Variants in WDHD1 observed in about 807,000 individuals in gnomAD.
WDHD1 encodes the protein WD repeat and HMG-box DNA binding protein 1.
A neutral mutation model predicts 135.4 loss-of-function variants in WDHD1; 111 were observed. That is an observed-to-expected ratio of 0.82 (90% CI 0.70 to 0.96). WDHD1 has a LOEUF of 0.96. WDHD1 is among the 40% of genes least tolerant of loss of function. WDHD1 has a pLI of 0.00. For synonymous variants in WDHD1, 434 were observed against 439.0 expected (o/e 0.99, Z 0.14); for missense variants, 1,351 against 1,336.3 (o/e 1.01, Z -0.17).
chr14:55,008,922 G>C (rs186886826), intron 4 of WDHD1, among the ~76,000 whole-genome samples: 5 of 151,316 alleles, frequency 3.3e-5, no homozygotes, highest in African/African-American at 1.2e-4. Flanking sequence ...TCAGCCTCCC[G>C]AGTAGCTGGG....
In WDHD1 at chr14:54,991,232, T is replaced by C; in HGVS notation, c.1322A>G (p.His441Arg). 6.2e-7 allele frequency: 1 copy of C among 1,600,238 alleles called. No homozygotes were observed. The highest frequency in any genetic ancestry group is 1.1e-5 in the South Asian group (1 of 90,622). ...TCTTACCATGAATCTGTGAGTGAGA[T>C]GCAACGGTGTAGAACCTGACTGAAA... ...KPFQSGSTPL[H>R]LTHRFMVWNS... The change falls in exon 12 of 26, where the codon CAT (histidine) becomes CGT (arginine). Residue 441 changes from histidine to arginine, a missense_variant. Coordinates refer to ENST00000360586, the MANE Select transcript of WDHD1 (RefSeq NM_007086.4).
At chr14:55,005,614 T>C in intron 7 of WDHD1, 1 of 598,986 alleles carries the variant, frequency 1.7e-6, no homozygotes, top group Non-Finnish European at 3.2e-6. Flanking sequence ...TGGTGCTACC[T>C]AAGTGGGTTC....
rs935891667 is a variant in WDHD1, at chr14:55,027,040, G to A, written c.-29C>T. 4 of 489,566 alleles carry A rather than the reference G, an allele frequency of 8.2e-6. No homozygotes were observed. Among genetic ancestry groups the A allele is most frequent in the Non-Finnish European group, 1.5e-5 (4 of 269,288 alleles). The allele number at this position is 489,566 out of a possible 1,614,324, so 30.3% of individuals were successfully genotyped here. A position where few individuals can be genotyped will look rare whatever the true frequency, so the allele number is the denominator to read the frequency against. On this transcript the variant is annotated 5_prime_UTR_variant, in exon 1 of 26. Coordinates refer to ENST00000360586, the MANE Select transcript of WDHD1 (RefSeq NM_007086.4). ...AGTGGGGACTCACCCGGGTGACCGA[G>A]CCTCCGCCACTGAGGATCCACAAGA... is the stretch of plus-strand genomic sequence containing the variant.
intron 21 of WDHD1, among the ~76,000 whole-genome samples, chr14:54,958,673 T>C (rs537938914): frequency 5.3e-5 from 8 of 152,342 alleles, no homozygotes; most frequent in Admixed American, 3.9e-4. Context: ...TCTTGACTTC[T>C]GAGATACTGC....
At chr14:55,017,070 C>T (rs2042272822) in intron 2 of WDHD1, among the ~76,000 whole-genome samples, 1 of 152,174 alleles carries the variant, frequency 6.6e-6, no homozygotes, top group Non-Finnish European at 1.5e-5. Flanking sequence ...CAAAGTAAAT[C>T]TTCTGGAAGT....
At chr14:54,959,979 AT>A (rs1273051822) in intron 21 of WDHD1, among the ~76,000 whole-genome samples, 2 of 152,068 alleles carry the variant, frequency 1.3e-5, no homozygotes, top group Non-Finnish European at 2.9e-5. Flanking sequence ...ATCCTTCAAG[AT>A]TCAAATGTGC....
chr14:55,024,066 AG>A (rs2042393008), intron 2 of WDHD1, among the ~76,000 whole-genome samples: 1 of 152,192 alleles, frequency 6.6e-6, no homozygotes, highest in Admixed American at 6.5e-5. Context: ...TTCGTCTGCT[AG>A]TTTTTTCAAA....
chr14:54,985,000 G>A, intron 14 of WDHD1, 140 bp from the exon 15 acceptor site: 1 of 1,046,696 alleles, frequency 9.6e-7, no homozygotes, highest in East Asian at 2.7e-5. Flanking sequence ...CCATCCAACT[G>A]AGGCATCATT....
intron 4 of WDHD1, among the ~76,000 whole-genome samples, chr14:55,009,036 C>G (rs1029312600): frequency 2.6e-5 from 4 of 152,090 alleles, no homozygotes; most frequent in African/African-American, 9.7e-5. Context: ...ACCTTGTGAT[C>G]CGCCCACCTC....
chr14:55,000,486 A>AC lies in WDHD1; in HGVS notation c.942+16dup. On this transcript the variant is annotated intron_variant, in intron 10 of 25. Transcript: ENST00000360586. ...AGAAACATTTTGAAGAAACTGTTGT[A>AC]CCATACTCCCTTTTACCTTACTGCT... is the stretch of plus-strand genomic sequence containing the variant. 1 of 1,586,066 alleles carries AC rather than the reference A, an allele frequency of 6.3e-7. No homozygotes were observed. Among genetic ancestry groups the AC allele is most frequent in the Non-Finnish European group, 8.6e-7 (1 of 1,167,264 alleles).
At chr14:54,984,259 C>T (rs938691046) in intron 15 of WDHD1, among the ~76,000 whole-genome samples, 1 of 152,184 alleles carries the variant, frequency 6.6e-6, no homozygotes, top group Non-Finnish European at 1.5e-5. Context: ...CTTTAGGAGG[C>T]CAAGGTGGGT....
chr14:54,969,797 C>T (rs1174137808), intron 16 of WDHD1, among the ~76,000 whole-genome samples: 1 of 152,022 alleles, frequency 6.6e-6, no homozygotes, highest in African/African-American at 2.4e-5. Context: ...TATAAAAATC[C>T]TCAACAAAAC....
Position 54,963,034 on chromosome 14 carries a change from C to T in WDHD1, c.2449G>A (p.Val817Ile). ...ILAQKLSELA[V>I]EKAAELTATQ... is the part of the protein sequence containing the mutation. ...GCTGTCAATTCGGCTGCCTTCTCTA[C>T]AGCCAGTTCACTTAGTTTTTGAGCC... The change falls in exon 19 of 26, where the codon GTA becomes ATA. Residue 817 changes from valine to isoleucine, a missense_variant. Coordinates refer to ENST00000360586, the MANE Select transcript of WDHD1 (RefSeq NM_007086.4). The T allele has an allele frequency of 6.2e-7, 1 of 1,613,944 alleles. No individual in the cohort carries two copies. The highest frequency in any genetic ancestry group is 8.5e-7 in the Non-Finnish European group (1 of 1,179,980).
chr14:55,021,082 T>G (rs961056411), intron 2 of WDHD1, among the ~76,000 whole-genome samples: 1 of 152,150 alleles, frequency 6.6e-6, no homozygotes, highest in Admixed American at 6.5e-5. Context: ...GCATACTTGG[T>G]GTGACCTTAT....
intron 23 of WDHD1, 25 bp from the exon 24 acceptor site, chr14:54,955,719 C>T (rs764272507): frequency 6.7e-6 from 10 of 1,487,768 alleles, no homozygotes; most frequent in Non-Finnish European, 8.9e-6. Context: ...ATGAATACTG[C>T]AATAACATCT....
At chr14:55,005,451 TGGATGATATG>T in intron 7 of WDHD1, 1 of 568,318 alleles carries the variant, frequency 1.8e-6, no homozygotes, top group Non-Finnish European at 3.4e-6. Flanking sequence ...CCAGTATTCC[TGGATGATATG>T]ACACTGACAT....
intron 7 of WDHD1, among the ~76,000 whole-genome samples, chr14:55,002,776 T>G (rs1450314621): frequency 6.6e-6 from 1 of 151,978 alleles, no homozygotes; most frequent in Non-Finnish European, 1.5e-5. Flanking sequence ...TGTTTTTTTG[T>G]AGAGATGGGG....
At chr14:54,974,734 T>C (rs559033586) in intron 16 of WDHD1, among the ~76,000 whole-genome samples, 2 of 152,102 alleles carry the variant, frequency 1.3e-5, no homozygotes, top group East Asian at 3.9e-4. Flanking sequence ...GGCTGAGGCA[T>C]AAGAATCACT....
At chr14:54,989,279 G>C in intron 12 of WDHD1, 67 bp from the exon 13 acceptor site, 1 of 1,153,374 alleles carries the variant, frequency 8.7e-7, no homozygotes, top group African/African-American at 1.6e-5. Context: ...GTAAGCCACA[G>C]TAGTACAAAT....
Sources: gnomAD v4.1 joint callset for allele counts (sites outside exome capture counted in the v4.1 genomes callset) on GRCh38, gnomAD v4.1.1 for gene constraint, MANE v1.5 for transcripts, NCBI Gene and HGNC (gene_info 2026-07-23, HGNC 2026-07-21) for gene names.